The following MDH1 variants were observed in gnomAD, a reference collection of about 807,000 sequenced individuals.
MDH1 encodes malate dehydrogenase, cytoplasmic.
A neutral mutation model predicts 38.7 loss-of-function variants in MDH1; 15 were observed. That is an observed-to-expected ratio of 0.39 (90% CI 0.26 to 0.60). The LOEUF is 0.60. Ranked by LOEUF, MDH1 falls within the 20% of genes least tolerant of loss-of-function variation. The pLI, the probability that MDH1 is intolerant of heterozygous loss-of-function variation, is 0.56. For missense variants in MDH1, 368 were observed against 405.2 expected, an observed-to-expected ratio of 0.91 and a Z score of 0.79; for synonymous variants, 144 against 143.6, an observed-to-expected ratio of 1.00 and a Z score of -0.02.
intron 5 of MDH1, 77 bp downstream of exon 5, chr2:63,599,369 C>A: frequency 5.5e-6 from 8 of 1,457,480 alleles, no homozygotes; most frequent in Non-Finnish European, 7.4e-6. Flanking sequence ...ATAACTGAAT[C>A]TGAGTTTGTG....
intron 4 of MDH1, among the ~76,000 whole-genome samples, chr2:63,598,914 A>G (rs1328175737): frequency 6.6e-6 from 1 of 151,124 alleles, no homozygotes. Context: ...AAAAAAAAAA[A>G]GATATATGGG....
chr2:63,594,172 T>TG (rs142443014), intron 1 of MDH1: 5 of 495,272 alleles, frequency 1.0e-5, no homozygotes, highest in Non-Finnish European at 4.0e-6. Context: ...CTCTAGTGGC[T>TG]GCCAGGGTTT....
intron 4 of MDH1, chr2:63,598,194 T>C (rs1008732727): frequency 9.2e-5 from 14 of 152,222 alleles, no homozygotes; most frequent in African/African-American, 3.4e-4. Flanking sequence ...AGTGGTGCAA[T>C]CTTGGCTCAC....
chr2:63,604,978 T>A, intron 6 of MDH1, 106 bp downstream of exon 6: 2 of 1,106,654 alleles, frequency 1.8e-6, no homozygotes, highest in Non-Finnish European at 2.6e-6. Flanking sequence ...GTTGCTCTGA[T>A]GACTGCATAC....
At chr2:63,591,726 C>T (rs1377127192) in intron 1 of MDH1, among the ~76,000 whole-genome samples, 1 of 152,162 alleles carries the variant, frequency 6.6e-6, no homozygotes, top group Non-Finnish European at 1.5e-5. Flanking sequence ...AGACTGTTCT[C>T]AAGAGCGCTT....
intron 3 of MDH1, 140 bp from the exon 4 acceptor site, chr2:63,597,259 C>G: frequency 8.1e-7 from 1 of 1,234,464 alleles, no homozygotes; most frequent in Non-Finnish European, 1.0e-6. Context: ...TTATCTTTCT[C>G]AGGCTCCTGA....
chr2:63,606,564 T>G (rs556632249), intron 8 of MDH1, among the ~76,000 whole-genome samples: 3 of 152,340 alleles, frequency 2.0e-5, no homozygotes, highest in African/African-American at 7.2e-5. Flanking sequence ...CCTCTAGTAT[T>G]AGAGACCTAC....
intron 5 of MDH1, among the ~76,000 whole-genome samples, chr2:63,601,714 G>C (rs1015451160): frequency 5.3e-5 from 8 of 152,302 alleles, no homozygotes; most frequent in African/African-American, 1.9e-4. Context: ...ACAAAGGAAG[G>C]CATGGGAGCC....
intron 8 of MDH1, 103 bp from the exon 9 acceptor site, chr2:63,606,759 G>T (rs371315591): frequency 7.0e-6 from 5 of 713,184 alleles, no homozygotes; most frequent in African/African-American, 1.8e-5. Context: ...TTTAGAATCA[G>T]ACTTTAAAAC....
chr2:63,592,083 T>A (rs1709210607), intron 1 of MDH1, among the ~76,000 whole-genome samples: 1 of 152,218 alleles, frequency 6.6e-6, no homozygotes, highest in African/African-American at 2.4e-5. Flanking sequence ...TTTAGAAAAT[T>A]GGTGTATCCT....
rs536253095 is a variant in MDH1, at chr2:63,593,084, GT to G, written c.4-1396del. ...TTCTCTACACCAGTTGACACTTTTTGTTTTTTTTGTTTGTTGTTTTTTGTTT... is the reference window on the plus strand; with the variant it reads ...TTCTCTACACCAGTTGACACTTTTTGTTTTTTTGTTTGTTGTTTTTTGTTT... On this transcript the variant is annotated intron_variant, in intron 1 of 8. Transcript: ENST00000233114. The G allele has an allele frequency of 3.0e-3, 450 of 152,070 alleles. 4 individuals are homozygous for G. Among genetic ancestry groups the G allele is most frequent in the African/African-American group, 0.01 (415 of 41,168 alleles). 9.4% of individuals were successfully genotyped at this position (152,070 alleles called of 1,614,324 possible).
rs1181839536 is a variant in MDH1 at position 63,604,558 on chromosome 2, A to G, written c.499-138A>G. On this transcript the variant is annotated intron_variant, in intron 5 of 8. Transcript: ENST00000233114. ...GCCAAGCAATAAATTTACATTTTTT[A>G]CAAGTCAATATAACTCTTGTGTTCT... The G allele has an allele frequency of 8.6e-6, 6 of 694,230 alleles. No individual in the cohort carries two copies. In the East Asian group the frequency reaches 1.4e-4, roughly 16 times the overall value. 43.0% of individuals were successfully genotyped at this position (694,230 alleles called of 1,614,324 possible). A position where few individuals can be genotyped will look rare whatever the true frequency, so the allele number is the denominator to read the frequency against.
chr2:63,589,343 T>A (rs1709102383), intron 1 of MDH1: 1 of 1,550,662 alleles, frequency 6.4e-7, no homozygotes, highest in East Asian at 2.4e-5. Context: ...ACGCTGCAGC[T>A]ATTTTCCAAA....
chr2:63,595,918 G>A (rs1709302821), intron 3 of MDH1, among the ~76,000 whole-genome samples: 1 of 152,160 alleles, frequency 6.6e-6, no homozygotes, highest in Admixed American at 6.5e-5. Flanking sequence ...AACTTTCTCA[G>A]TTTTGAAGGA....
intron 7 of MDH1, 97 bp downstream of exon 7, chr2:63,605,490 A>T (rs186972723): frequency 1.1e-6 from 1 of 885,678 alleles, no homozygotes; most frequent in East Asian, 2.6e-5. Flanking sequence ...CAGTCAGGTT[A>T]GGTTCATTTC....
intron 5 of MDH1, 42 bp downstream of exon 5, chr2:63,599,334 A>C (rs1033148948): frequency 6.3e-6 from 10 of 1,579,826 alleles, no homozygotes; most frequent in Admixed American, 1.8e-5. Context: ...GTTCAACTTT[A>C]AAACATTTTT....
At chr2:63,605,773 C>A in intron 7 of MDH1, 166 bp from the exon 8 acceptor site, 1 of 641,994 alleles carries the variant, frequency 1.6e-6, no homozygotes, top group South Asian at 1.9e-5. Flanking sequence ...GAAATAATAT[C>A]CATGAAAGTT....
intron 2 of MDH1, 39 bp from the exon 3 acceptor site, chr2:63,595,384 T>C (rs1391181841): frequency 1.6e-6 from 2 of 1,242,134 alleles, no homozygotes; most frequent in African/African-American, 1.5e-5. Flanking sequence ...CTAAATGAAA[T>C]AGCCTACACT....
chr2:63,598,050 TTCTC>T (rs1709351626), intron 4 of MDH1: 1 of 152,246 alleles, frequency 6.6e-6, no homozygotes, highest in South Asian at 2.1e-4. Context: ...TGACTTATAG[TTCTC>T]TCTTTGTGTT....
Sources: gnomAD v4.1 joint callset for allele counts (sites outside exome capture counted in the v4.1 genomes callset) on GRCh38, gnomAD v4.1.1 for gene constraint, MANE v1.5 for transcripts, NCBI Gene and HGNC (gene_info 2026-07-23, HGNC 2026-07-21) for gene names.